Variants in KIF26B observed in about 807,000 individuals in gnomAD.
KIF26B encodes kinesin-like protein KIF26B.
Under a neutral mutation model 151.2 loss-of-function variants are expected in KIF26B, and 63 were observed. The ratio of observed to expected loss-of-function variants is 0.42; its 90% CI spans 0.34 to 0.51. The LOEUF (loss-of-function observed/expected upper bound fraction) is 0.51. KIF26B is among the 20% of genes least tolerant of loss of function. The pLI, the probability that KIF26B is intolerant of heterozygous loss-of-function variation, is 0.07. For missense variants in KIF26B, 2,813 were observed against 2,913.6 expected, an observed-to-expected ratio of 0.97 and a Z score of 0.79; for synonymous variants, 1,357 against 1,262.1, an observed-to-expected ratio of 1.08 and a Z score of -1.59.
chr1:245,555,690 A>G (rs1225876749), intron 5 of KIF26B, among the ~76,000 whole-genome samples: 2 of 152,142 alleles, frequency 1.3e-5, no homozygotes, highest in Non-Finnish European at 2.9e-5. Context: ...GTCAGTGAGC[A>G]TTTAGGAGAA....
chr1:245,478,307 C>T (rs1290785690), intron 4 of KIF26B, among the ~76,000 whole-genome samples: 1 of 151,686 alleles, frequency 6.6e-6, no homozygotes, highest in African/African-American at 2.4e-5. Context: ...TTCATATCCA[C>T]GTTTCTGTGG....
At chr1:245,480,301 C>T (rs915550932) in intron 4 of KIF26B, among the ~76,000 whole-genome samples, 4 of 151,316 alleles carry the variant, frequency 2.6e-5, no homozygotes, top group Admixed American at 6.6e-5. Flanking sequence ...AAAAAACTGC[C>T]GAACTACATG....
rs1041029654 is a variant in KIF26B, at chr1:245,262,382, C to T, written c.466-104452C>T. ...CGGGTCTTCTGAACATCTACCTGTG[C>T]GTCACTTTTTAATTTCTTTTCCAGG... On this transcript the variant is annotated intron_variant, in intron 2 of 14. Transcript: ENST00000407071. Among the ~76,000 whole-genome samples, 15 of 152,156 alleles carry T rather than the reference C, an allele frequency of 9.9e-5. 1 individual carries two copies. Among genetic ancestry groups the T allele is most frequent in the Admixed American group, 2.6e-4 (4 of 15,276 alleles).
chr1:245,568,665 G>A (rs1403147653), intron 5 of KIF26B, among the ~76,000 whole-genome samples: 2 of 152,210 alleles, frequency 1.3e-5, no homozygotes, highest in Admixed American at 1.3e-4. Flanking sequence ...GGGCGTCACA[G>A]GGTCTCATGG....
chr1:245,346,105 T>G (rs560342357), intron 2 of KIF26B, among the ~76,000 whole-genome samples: 1 of 151,150 alleles, frequency 6.6e-6, no homozygotes, highest in East Asian at 1.9e-4. Flanking sequence ...GCTAATTTTT[T>G]TTTGTGTGTG....
At chr1:245,363,644 G>T (rs1336355689) in intron 2 of KIF26B, among the ~76,000 whole-genome samples, 1 of 152,194 alleles carries the variant, frequency 6.6e-6, no homozygotes, top group South Asian at 2.1e-4. Flanking sequence ...GTGTGGATAA[G>T]CACTTGATTT....
chr1:245,327,966 G>A (rs1672026672), intron 2 of KIF26B, among the ~76,000 whole-genome samples: 1 of 152,140 alleles, frequency 6.6e-6, no homozygotes. Context: ...TCCTAGACAT[G>A]CCAATCCACA....
At chr1:245,577,180 G>A (rs527490690) in intron 5 of KIF26B, among the ~76,000 whole-genome samples, 1 of 152,256 alleles carries the variant, frequency 6.6e-6, no homozygotes, top group Admixed American at 6.5e-5. Flanking sequence ...TTTTCCACAG[G>A]GGCACGAGTG....
chr1:245,385,769 C>G (rs1673528224), intron 3 of KIF26B, among the ~76,000 whole-genome samples: 1 of 152,198 alleles, frequency 6.6e-6, no homozygotes, highest in Non-Finnish European at 1.5e-5. Context: ...GTGGGGAAGG[C>G]TGCTTCTCCA....
intron 4 of KIF26B, among the ~76,000 whole-genome samples, chr1:245,476,501 T>C (rs1448789799): frequency 5.9e-5 from 3 of 50,970 alleles, no homozygotes; most frequent in African/African-American, 8.2e-5. Context: ...AAGACACATT[T>C]ATTTATTTAT....
rs369830220 is a variant in KIF26B at position 245,579,125 on chromosome 1, T to C, written c.1351-23452T>C. 8.5e-5 allele frequency among the ~76,000 whole-genome samples: 13 copies of C among 152,338 alleles called. No individual in the cohort carries two copies. In the South Asian group the frequency reaches 2.5e-3, roughly 29 times the overall value. On this transcript the variant is annotated intron_variant, in intron 5 of 14. Coordinates refer to ENST00000407071, the MANE Select transcript of KIF26B (RefSeq NM_018012.4). ...TAGGGTATTCTCTGTCTTTGAGTTA[T>C]TTTCTTCCTAGCCACCTGGTCATAA...
intron 5 of KIF26B, among the ~76,000 whole-genome samples, chr1:245,584,902 G>A (rs185034231): frequency 5.3e-5 from 8 of 152,200 alleles, no homozygotes; most frequent in African/African-American, 1.4e-4. Flanking sequence ...AAGCCACTTC[G>A]ATTTTGACAC....
chr1:245,243,076 T>A (rs1670240998), intron 2 of KIF26B, among the ~76,000 whole-genome samples: 1 of 152,200 alleles, frequency 6.6e-6, no homozygotes, highest in Non-Finnish European at 1.5e-5. Context: ...CTCTGATATA[T>A]TCAGAGGAGA....
At chr1:245,436,928 C>T (rs112659118) in intron 4 of KIF26B, among the ~76,000 whole-genome samples, 1 of 124,996 alleles carries the variant, frequency 8.0e-6, no homozygotes, top group African/African-American at 2.9e-5. Flanking sequence ...GCTCTGTTGT[C>T]CAGGTTGGAG....
At chr1:245,230,319 G>A (rs1456405476) in intron 2 of KIF26B, among the ~76,000 whole-genome samples, 1 of 152,108 alleles carries the variant, frequency 6.6e-6, no homozygotes, top group Non-Finnish European at 1.5e-5. Flanking sequence ...AACAACTGAA[G>A]AGAGTGCTCT....
rs1429221354 is a variant in KIF26B, at chr1:245,597,961, T to C, written c.1351-4616T>C. Among the ~76,000 whole-genome samples, 1 of 152,128 alleles carries C rather than the reference T, an allele frequency of 6.6e-6. No homozygotes were observed. The highest frequency in any genetic ancestry group is 1.5e-5 in the Non-Finnish European group (1 of 68,016). ...TGTGTGCTTCATGAAGTTCTCATGC[T>C]GTGTTTTTCAACTCCATCAGGTCAT... On this transcript the variant is annotated intron_variant, in intron 5 of 14. Transcript: ENST00000407071. This position sits in a 1 kb window ranked among gnomAD's most constrained non-coding sequence, Gnocchi z 4.6.
chr1:245,309,901 T>C (rs527902685), intron 2 of KIF26B, among the ~76,000 whole-genome samples: 82 of 146,674 alleles, frequency 5.6e-4, no homozygotes, highest in African/African-American at 2.0e-3. Context: ...TCACTATATA[T>C]ATCTCTTACT....
intron 3 of KIF26B, 60 bp from the exon 4 acceptor site, chr1:245,419,519 A>G: frequency 6.7e-7 from 1 of 1,489,964 alleles, no homozygotes; most frequent in Non-Finnish European, 9.1e-7. Flanking sequence ...AGATGCTGTC[A>G]GTGGTCAGGA....
chr1:245,482,779 C>T (rs1013257835), intron 4 of KIF26B, among the ~76,000 whole-genome samples: 1 of 151,622 alleles, frequency 6.6e-6, no homozygotes, highest in East Asian at 1.9e-4. Context: ...AATGGTTCAC[C>T]CCGAGGCAAA....
Sources: gnomAD v4.1 joint callset for allele counts (sites outside exome capture counted in the v4.1 genomes callset) on GRCh38, gnomAD v4.1.1 for gene constraint, Gnocchi (gnomAD v3.1) non-coding constraint, MANE v1.5 for transcripts, NCBI Gene and HGNC (gene_info 2026-07-23, HGNC 2026-07-21) for gene names.